The following ROBO2 variants were observed in gnomAD, a reference collection of about 807,000 sequenced individuals.
The protein encoded by ROBO2 is roundabout homolog 2.
A neutral mutation model predicts 160.8 loss-of-function variants in ROBO2; 53 were observed. The observed-to-expected ratio is 0.33, with a 90% confidence interval of 0.26 to 0.41. ROBO2 has a LOEUF of 0.41. Ranked by LOEUF, ROBO2 falls within the 10% of genes least tolerant of loss-of-function variation. The pLI is 1.00. For synonymous variants in ROBO2, 664 were observed against 611.7 expected (o/e 1.09, Z -1.26); for missense variants, 1,577 against 1,722.4 (o/e 0.92, Z 1.49).
intron 2 of ROBO2, among the ~76,000 whole-genome samples, chr3:76,307,460 T>C (rs1349482075): frequency 6.6e-6 from 1 of 152,092 alleles, no homozygotes; most frequent in African/African-American, 2.4e-5. Context: ...GGGCCTTCTT[T>C]TTCTTCATGT....
intron 2 of ROBO2, among the ~76,000 whole-genome samples, chr3:76,575,446 CCTATAATCACCATG>C (rs2085227632): frequency 6.6e-6 from 1 of 151,742 alleles, no homozygotes. Flanking sequence ...TTCATGGTAC[CCTATAATCACCATG>C]CTAATTATAC....
At chr3:77,523,009 C>G in intron 6 of ROBO2, 107 bp downstream of exon 6, 1 of 1,318,874 alleles carries the variant, frequency 7.6e-7, no homozygotes, top group Non-Finnish European at 1.1e-6. Context: ...TTTTGTTGTA[C>G]TAAAATGCCT....
chr3:77,100,451 G>C, intron 2 of ROBO2, among the ~76,000 whole-genome samples: 1 of 151,842 alleles, frequency 6.6e-6, no homozygotes, highest in East Asian at 1.9e-4. Context: ...ATGGAAATTT[G>C]GGTTAAAGCA....
chr3:77,141,093 A>G (rs2076663956), intron 2 of ROBO2, among the ~76,000 whole-genome samples: 1 of 152,252 alleles, frequency 6.6e-6, no homozygotes, highest in South Asian at 2.1e-4. Flanking sequence ...TAGGATTACA[A>G]AGAAAGTGTA....
At chr3:76,574,627 C>G (rs533615765) in intron 2 of ROBO2, among the ~76,000 whole-genome samples, 1 of 151,968 alleles carries the variant, frequency 6.6e-6, no homozygotes, top group Non-Finnish European at 1.5e-5. Flanking sequence ...GAGAGTATAC[C>G]CACTTCCTAT....
chr3:76,817,712 C>G (rs150054380), intron 2 of ROBO2, among the ~76,000 whole-genome samples: 2 of 151,876 alleles, frequency 1.3e-5, no homozygotes, highest in African/African-American at 4.8e-5. Flanking sequence ...ATCCTCACAG[C>G]TTAGCTCCGA....
At chr3:76,943,278 C>T (rs2078312590) in intron 2 of ROBO2, among the ~76,000 whole-genome samples, 1 of 152,152 alleles carries the variant, frequency 6.6e-6, no homozygotes, top group Admixed American at 6.5e-5. Flanking sequence ...CTCTGACCCC[C>T]TTTATCTTGA....
At chr3:77,100,865 T>A (rs1403896999) in intron 2 of ROBO2, among the ~76,000 whole-genome samples, 2 of 152,198 alleles carry the variant, frequency 1.3e-5, no homozygotes, top group Non-Finnish European at 2.9e-5. Flanking sequence ...TCTAAGAGGA[T>A]ACATTACTTT....
intron 2 of ROBO2, among the ~76,000 whole-genome samples, chr3:77,290,876 T>C (rs1472193269): frequency 1.4e-4 from 10 of 73,274 alleles, no homozygotes; most frequent in Non-Finnish European, 2.8e-4. Context: ...AAAGTAAAAT[T>C]GACGGTTAAA....
At chr3:76,072,740 T>A (rs1390971258) in intron 2 of ROBO2, among the ~76,000 whole-genome samples, 1 of 152,152 alleles carries the variant, frequency 6.6e-6, no homozygotes, top group Admixed American at 6.5e-5. Flanking sequence ...CTGAGGGTGT[T>A]TATTAATGAA....
At chr3:77,560,283 C>T (rs1041237009) in intron 9 of ROBO2, among the ~76,000 whole-genome samples, 1 of 151,900 alleles carries the variant, frequency 6.6e-6, no homozygotes, top group African/African-American at 2.4e-5. Context: ...ACATTAATCT[C>T]ATTTTAAAGC....
At chr3:76,029,568 C>T (rs1225699186) in intron 2 of ROBO2, among the ~76,000 whole-genome samples, 2 of 152,064 alleles carry the variant, frequency 1.3e-5, no homozygotes, top group African/African-American at 4.8e-5. Context: ...ACCCAGTGTT[C>T]AAGTGTTCTC....
chr3:76,412,172 T>C (rs2075520958), intron 2 of ROBO2, among the ~76,000 whole-genome samples: 1 of 152,150 alleles, frequency 6.6e-6, no homozygotes, highest in African/African-American at 2.4e-5. Flanking sequence ...GTGAGATTTA[T>C]TGACTATCAC....
At chr3:76,620,344 A>G (rs1432753810) in intron 2 of ROBO2, among the ~76,000 whole-genome samples, 2 of 152,206 alleles carry the variant, frequency 1.3e-5, no homozygotes, top group Non-Finnish European at 2.9e-5. Context: ...TTAATCTTGA[A>G]TGAGATTAAC....
chr3:77,318,277 G>C (rs753013379), intron 2 of ROBO2, among the ~76,000 whole-genome samples: 2 of 152,022 alleles, frequency 1.3e-5, no homozygotes, highest in Non-Finnish European at 2.9e-5. Context: ...CGGGCGATCC[G>C]CCCACCTCAG....
chr3:76,586,221 T>G (rs967517316), intron 2 of ROBO2, among the ~76,000 whole-genome samples: 1 of 152,248 alleles, frequency 6.6e-6, no homozygotes, highest in Admixed American at 6.5e-5. Context: ...GCTATGTTTA[T>G]AGCAATAGGT....
intron 2 of ROBO2, among the ~76,000 whole-genome samples, chr3:76,979,849 T>C (rs2060006884): frequency 6.6e-6 from 1 of 152,032 alleles, no homozygotes; most frequent in Admixed American, 6.6e-5. Context: ...AAACTCACTG[T>C]GTAACAATTT....
chr3:76,058,079 T>C (rs1331936855), intron 2 of ROBO2, among the ~76,000 whole-genome samples: 2 of 135,850 alleles, frequency 1.5e-5, no homozygotes, highest in Admixed American at 1.5e-4. Context: ...ATTGTACTCA[T>C]TATAAAGAGC....
At chr3:76,726,420 C>T (rs1035910711) in intron 2 of ROBO2, among the ~76,000 whole-genome samples, 15 of 152,184 alleles carry the variant, frequency 9.9e-5, no homozygotes, top group African/African-American at 3.4e-4. Context: ...CAATTTTTCT[C>T]ATTCTCTAGA....
Sources: gnomAD v4.1 joint callset for allele counts (sites outside exome capture counted in the v4.1 genomes callset) on GRCh38, gnomAD v4.1.1 for gene constraint, MANE v1.5 for transcripts, NCBI Gene and HGNC (gene_info 2026-07-23, HGNC 2026-07-21) for gene names.